INPP5F: variants seen among roughly 807,000 people sequenced by gnomAD.
INPP5F encodes the protein inositol polyphosphate-5-phosphatase F.
A neutral mutation model predicts 137.2 loss-of-function variants in INPP5F; 97 were observed. The observed-to-expected ratio is 0.71, with a 90% CI of 0.60 to 0.84. The LOEUF (loss-of-function observed/expected upper bound fraction) is 0.84, where lower values mean the gene tolerates loss of function less well. INPP5F is among the 40% of genes least tolerant of loss of function. The pLI is 0.00. For missense variants in INPP5F, 1,271 were observed against 1,371.9 expected, an observed-to-expected ratio of 0.93 and a Z score of 1.16; for synonymous variants, 504 against 476.9, an observed-to-expected ratio of 1.06 and a Z score of -0.74.
rs1242599565 is a variant in INPP5F, at chr10:119,805,373, A to T, written c.1242-11A>T. 6.2e-7 allele frequency: 1 copy of T among 1,605,810 alleles called. No homozygotes were observed. Among genetic ancestry groups the T allele is most frequent in the African/African-American group, 1.3e-5 (1 of 74,734 alleles). ...TTAAAGATTTTTTCTTTCTTTTGGC[A>T]TGGATTTTAGCCGAGGAATGAAGTT... On this transcript the variant is annotated splice_polypyrimidine_tract_variant and intron_variant, in intron 10 of 19. Coordinates refer to ENST00000650623, the MANE Select transcript of INPP5F (RefSeq NM_014937.4).
chr10:119,817,883 C>T (rs2134279885), intron 15 of INPP5F, among the ~76,000 whole-genome samples: 1 of 152,318 alleles, frequency 6.6e-6, no homozygotes, highest in East Asian at 1.9e-4. Flanking sequence ...AAATTAATGA[C>T]ACCCTTTAAA....
Position 119,785,286 on chromosome 10 carries a change from G to GT in INPP5F, c.315+3531dup, listed in dbSNP as rs71019717. Among the ~76,000 whole-genome samples, 549 of 106,210 alleles carry GT rather than the reference G, an allele frequency of 5.2e-3. 24 individuals are homozygous for GT. The highest frequency in any genetic ancestry group is 0.015 in the Middle Eastern group (3 of 196). The allele number at this position is 106,210 out of a possible 152,430, so 69.7% of individuals were successfully genotyped here. On this transcript the variant is annotated intron_variant, in intron 3 of 19. Transcript: ENST00000650623. ...TAACCTTTTGTGGAACTGCCAGACT[G>GT]TTTTTTTTTTTTTTTTGGAGACGGA... is the stretch of plus-strand genomic sequence containing the variant.
At chr10:119,732,500 C>CTTTTTTTTTTTTTTTT (rs59388357) in intron 1 of INPP5F, among the ~76,000 whole-genome samples, 2 of 115,566 alleles carry the variant, frequency 1.7e-5, no homozygotes, top group South Asian at 3.0e-4. Context: ...TTTCTTTTTT[C>CTTTTTTTTTTTTTTTT]TTTTTTTTTT....
Position 119,781,732 on chromosome 10 carries a change from C to T in INPP5F, c.276C>T (p.Leu92=), listed in dbSNP as rs1332182213. 1 of 1,610,322 alleles carries T rather than the reference C, an allele frequency of 6.2e-7. No homozygotes were observed. Among genetic ancestry groups the T allele is most frequent in the Non-Finnish European group, 8.5e-7 (1 of 1,177,276 alleles). Residue 92 remains leucine, a synonymous_variant, in exon 3 of 20, where the codon CTC becomes CTT. Coordinates refer to ENST00000650623, the MANE Select transcript of INPP5F (RefSeq NM_014937.4). ...GTAAAGTTACCAAAATTGCTGTGCT[C>T]TCACTTTCTGAAATGGAACCTCAGG... ...EVCKVTKIAV[L]SLSEMEPQDL... is the part of the protein sequence containing the mutation.
chr10:119,822,484 A>G lies in INPP5F; in HGVS notation c.2012A>G (p.Asn671Ser). Reference sequence around the variant, plus strand: ...CAGTATCAACGACTAAGTCTAGAAAACCTGGAAAAAATTGAAATAGGTAAG... The same window carrying G: ...CAGTATCAACGACTAAGTCTAGAAAGCCTGGAAAAAATTGAAATAGGTAAG... ...VNQYQRLSLENLEKIEIGPEP... is the reference protein window; with the variant it reads ...VNQYQRLSLESLEKIEIGPEP... Residue 671 changes from asparagine to serine, a missense_variant, in exon 17 of 20, where the codon AAC becomes AGC. Transcript: ENST00000650623. The G allele has an allele frequency of 6.6e-7, 1 of 1,523,466 alleles. No homozygotes were observed. The highest frequency in any genetic ancestry group is 9.0e-7 in the Non-Finnish European group (1 of 1,111,916). 94.4% of individuals were successfully genotyped at this position (1,523,466 alleles called of 1,614,324 possible). A position where few individuals can be genotyped will look rare whatever the true frequency, so the allele number is the denominator to read the frequency against.
chr10:119,802,363 C>G (rs1414372924), intron 9 of INPP5F, among the ~76,000 whole-genome samples: 1 of 152,162 alleles, frequency 6.6e-6, no homozygotes, highest in Non-Finnish European at 1.5e-5. Flanking sequence ...TTGGGAATCA[C>G]TATTAAGCCA....
intron 9 of INPP5F, chr10:119,799,193 T>C (rs565257245): frequency 8.5e-6 from 2 of 234,954 alleles, no homozygotes; most frequent in South Asian, 9.6e-5. Context: ...ACAAGTTCAA[T>C]GATTTTGATA....
At chr10:119,817,397 C>CA (rs1459578752) in intron 15 of INPP5F, among the ~76,000 whole-genome samples, 1 of 152,178 alleles carries the variant, frequency 6.6e-6, no homozygotes, top group East Asian at 1.9e-4. Context: ...GAGAAACTGC[C>CA]AAACTATTTT....
At chr10:119,762,036 A>G (rs1248708836) in intron 2 of INPP5F, among the ~76,000 whole-genome samples, 2 of 152,194 alleles carry the variant, frequency 1.3e-5, no homozygotes, top group African/African-American at 4.8e-5. Context: ...ACCTCCGTAT[A>G]TGAAAAGTTG....
At chr10:119,749,595 G>A (rs776658391) in intron 1 of INPP5F, among the ~76,000 whole-genome samples, 8 of 152,156 alleles carry the variant, frequency 5.3e-5, no homozygotes, top group African/African-American at 1.7e-4. Context: ...GGGGCTAAGC[G>A]TCAGGCTGAC....
intron 2 of INPP5F, among the ~76,000 whole-genome samples, chr10:119,751,491 C>A (rs1375553083): frequency 6.6e-6 from 1 of 152,120 alleles, no homozygotes; most frequent in Non-Finnish European, 1.5e-5. Context: ...GGTGGCAGAC[C>A]ATGACTGGTT....
chr10:119,799,381 A>C, intron 9 of INPP5F: 1 of 400,522 alleles, frequency 2.5e-6, no homozygotes, highest in Non-Finnish European at 4.9e-6. Flanking sequence ...GGAGGAAAAA[A>C]AAGAAAAAAA....
At chr10:119,785,977 A>G (rs1366531636) in intron 3 of INPP5F, among the ~76,000 whole-genome samples, 1 of 152,210 alleles carries the variant, frequency 6.6e-6, no homozygotes, top group Non-Finnish European at 1.5e-5. Context: ...ATATAGGCTT[A>G]TGTTCCATGT....
chr10:119,760,394 C>T (rs1282872654), intron 2 of INPP5F, among the ~76,000 whole-genome samples: 1 of 152,264 alleles, frequency 6.6e-6, no homozygotes, highest in South Asian at 2.1e-4. Flanking sequence ...GTGCTATGAT[C>T]ATGCCTGTGA....
At chr10:119,728,984 C>G (rs1168114286) in intron 1 of INPP5F, among the ~76,000 whole-genome samples, 2 of 152,196 alleles carry the variant, frequency 1.3e-5, no homozygotes, top group African/African-American at 2.4e-5. Flanking sequence ...ATCTTGGTGT[C>G]TCTAGGCTTT....
chr10:119,817,161 T>C (rs1484877565), intron 15 of INPP5F, among the ~76,000 whole-genome samples: 4 of 152,270 alleles, frequency 2.6e-5, no homozygotes, highest in Non-Finnish European at 5.9e-5. Context: ...TGTTGTGGCA[T>C]GTGTCAGAAC....
chr10:119,770,563 G>A (rs1849305407), intron 2 of INPP5F, among the ~76,000 whole-genome samples: 1 of 152,168 alleles, frequency 6.6e-6, no homozygotes, highest in Non-Finnish European at 1.5e-5. Context: ...GGCTTTTTAT[G>A]TGGCAGTGGT....
chr10:119,790,506 T>C (rs1187961224), intron 3 of INPP5F, among the ~76,000 whole-genome samples: 1 of 152,148 alleles, frequency 6.6e-6, no homozygotes, highest in Non-Finnish European at 1.5e-5. Flanking sequence ...ACATGAAAAT[T>C]TGGTCCAGTT....
Position 119,827,409 on chromosome 10 carries a change from C to T in INPP5F, c.3028C>T (p.Arg1010Trp), listed in dbSNP as rs1284527385. ...AGAATCAACAGAACAGACACCTTCT[C>T]GGCCATCGCAATTAGATGTCTCTCT... Reference protein sequence around the residue: ...QSESTEQTPSRPSQLDVSLSA... With the variant: ...QSESTEQTPSWPSQLDVSLSA... Residue 1010 changes from arginine to tryptophan, a missense_variant, in exon 20 of 20, where the codon CGG (arginine) becomes TGG (tryptophan). Around this residue, in one of 6 missense-constraint regions of INPP5F, gnomAD observed 490 missense variants for 443.7 expected, o/e 1.10. Transcript: ENST00000650623. The T allele has an allele frequency of 2.5e-6, 4 of 1,614,054 alleles. No individual in the cohort carries two copies. The highest frequency in any genetic ancestry group is 3.3e-5 in the Admixed American group (2 of 59,998).
Sources: allele counts gnomAD v4.1 joint callset (sites outside exome capture counted in the v4.1 genomes callset), GRCh38; gene constraint gnomAD v4.1.1; regional missense constraint gnomAD v4.1.1; transcripts MANE v1.5; gene names NCBI Gene and HGNC (gene_info 2026-07-23, HGNC 2026-07-21).